Variants in ZNF407 observed in about 807,000 individuals in gnomAD.
ZNF407 encodes zinc finger protein 407.
In ZNF407, 17 loss-of-function variants were observed where a neutral mutation model predicts 131.2. The ratio of observed to expected loss-of-function variants is 0.13; its 90% CI spans 0.09 to 0.19. The LOEUF (loss-of-function observed/expected upper bound fraction) is 0.19. Ranked by LOEUF, ZNF407 falls within the 10% of genes least tolerant of loss-of-function variation. ZNF407 has a pLI of 1.00. For missense variants in ZNF407, 2,681 were observed against 2,830.6 expected (o/e 0.95, Z 1.20); for synonymous variants, 1,156 against 1,062.0 (o/e 1.09, Z -1.72).
At chr18:74,941,129 C>T (rs1291592003) in intron 8 of ZNF407, among the ~76,000 whole-genome samples, 1 of 152,168 alleles carries the variant, frequency 6.6e-6, no homozygotes, top group Non-Finnish European at 1.5e-5. Context: ...GACTGCTTGA[C>T]TCAAGACTTT....
chr18:74,621,748 T>C (rs1044883740), intron 1 of ZNF407, among the ~76,000 whole-genome samples: 49 of 152,214 alleles, frequency 3.2e-4, no homozygotes, highest in Non-Finnish European at 5.9e-4. Context: ...GGAGGGGAAT[T>C]GGGCTCCATC....
intron 4 of ZNF407, among the ~76,000 whole-genome samples, chr18:74,819,895 T>C (rs1970317194): frequency 6.6e-6 from 1 of 152,190 alleles, no homozygotes; most frequent in Non-Finnish European, 1.5e-5. Context: ...TGTAGTGCTG[T>C]GAAGGCTTTG....
chr18:74,806,310 C>T (rs941213325), intron 4 of ZNF407, among the ~76,000 whole-genome samples: 1 of 152,222 alleles, frequency 6.6e-6, no homozygotes, highest in Non-Finnish European at 1.5e-5. Flanking sequence ...GTTGTAAACT[C>T]TCAAGCTTTT....
At chr18:74,794,828 T>C (rs1969890204) in intron 4 of ZNF407, among the ~76,000 whole-genome samples, 1 of 152,228 alleles carries the variant, frequency 6.6e-6, no homozygotes, top group South Asian at 2.1e-4. Context: ...GCTTAATAAC[T>C]TCTCAGCACT....
At chr18:74,627,117 G>A (rs984332821) in intron 1 of ZNF407, among the ~76,000 whole-genome samples, 26 of 152,142 alleles carry the variant, frequency 1.7e-4, no homozygotes, top group African/African-American at 5.3e-4. Context: ...GTCTGATGTC[G>A]ACTGTCTTGC....
chr18:74,704,433 G>T (rs983787847), intron 3 of ZNF407, among the ~76,000 whole-genome samples: 1 of 152,162 alleles, frequency 6.6e-6, no homozygotes, highest in African/African-American at 2.4e-5. Context: ...GTTCAGTAGA[G>T]TTTAACTGTA....
intron 3 of ZNF407, among the ~76,000 whole-genome samples, chr18:74,750,177 T>G (rs1470113698): frequency 1.3e-5 from 2 of 152,184 alleles, no homozygotes; most frequent in East Asian, 3.9e-4. Flanking sequence ...TTTTACTTCT[T>G]CTTTGAGAGT....
chr18:74,789,193 T>C (rs1287620936), intron 4 of ZNF407, among the ~76,000 whole-genome samples: 1 of 152,074 alleles, frequency 6.6e-6, no homozygotes, highest in Non-Finnish European at 1.5e-5. Context: ...CTGGGAGAGG[T>C]ACTACTTTAG....
At chr18:74,843,456 A>G (rs1024751223) in intron 4 of ZNF407, among the ~76,000 whole-genome samples, 5 of 152,224 alleles carry the variant, frequency 3.3e-5, no homozygotes, top group African/African-American at 7.2e-5. Flanking sequence ...ACAAAAGTGT[A>G]CCTTATCCAC....
In ZNF407 at chr18:74,900,275, T is replaced by C. The variant is rs546172620; in HGVS notation, c.5249+10237T>C. Reference sequence around the variant, plus strand: ...GGTCGTCTCTCTGCACATGGAGAACTGTGGCTTCAGGCCTTCCCTGTCATT... The same window carrying C: ...GGTCGTCTCTCTGCACATGGAGAACCGTGGCTTCAGGCCTTCCCTGTCATT... On this transcript the variant is annotated intron_variant, in intron 7 of 8. Coordinates refer to ENST00000299687, the MANE Select transcript of ZNF407 (RefSeq NM_017757.3). Among the ~76,000 whole-genome samples the C allele has an allele frequency of 5.3e-5, 8 of 152,276 alleles. 1 individual carries two copies. Among genetic ancestry groups the C allele is most frequent in the Admixed American group, 3.9e-4 (6 of 15,290 alleles).
chr18:74,635,746 G>C lies in ZNF407; in HGVS notation c.4687+40G>C, dbSNP rs754813397. ...AGCAAGCCAAGTCAGTGAGGACATGGGGCCATTTGTTCCCATCCAGATATG... is the reference window on the plus strand; with the variant it reads ...AGCAAGCCAAGTCAGTGAGGACATGCGGCCATTTGTTCCCATCCAGATATG... On this transcript the variant is annotated intron_variant, in intron 2 of 8. Coordinates refer to ENST00000299687, the MANE Select transcript of ZNF407 (RefSeq NM_017757.3). This position sits in a 1 kb window ranked among gnomAD's most constrained non-coding sequence, Gnocchi z 4.7. 1.8e-5 allele frequency: 28 copies of C among 1,530,372 alleles called. No individual in the cohort carries two copies. The highest frequency in any genetic ancestry group is 2.3e-5 in the Non-Finnish European group (26 of 1,141,180). The allele number at this position is 1,530,372 out of a possible 1,614,324, so 94.8% of individuals were successfully genotyped here.
At chr18:74,945,020 G>T (rs554020883) in intron 8 of ZNF407, among the ~76,000 whole-genome samples, 1 of 152,082 alleles carries the variant, frequency 6.6e-6, no homozygotes, top group Non-Finnish European at 1.5e-5. Flanking sequence ...GCGACGACTC[G>T]TATGCATTTG....
intron 3 of ZNF407, among the ~76,000 whole-genome samples, chr18:74,711,608 C>T (rs969967362): frequency 6.6e-6 from 1 of 152,158 alleles, no homozygotes; most frequent in African/African-American, 2.4e-5. Flanking sequence ...TTCAGAACTG[C>T]AGGTCTGTAA....
At chr18:74,875,162 A>G (rs890679497) in intron 4 of ZNF407, among the ~76,000 whole-genome samples, 2 of 152,220 alleles carry the variant, frequency 1.3e-5, no homozygotes, top group East Asian at 1.9e-4. Flanking sequence ...CTTGATCTTT[A>G]TAAGGACAGT....
chr18:74,724,971 G>A lies in ZNF407; in HGVS notation c.4803-56457G>A, dbSNP rs142994695. Among the ~76,000 whole-genome samples the A allele has an allele frequency of 1.1e-3, 173 of 152,278 alleles. 3 individuals carry two copies. The East Asian group carries it at 0.026, about 23-fold the overall frequency. On this transcript the variant is annotated intron_variant, in intron 3 of 8. Coordinates refer to ENST00000299687, the MANE Select transcript of ZNF407 (RefSeq NM_017757.3). ...CATCTGTGAGGCTTCAACCTTTCAA[G>A]CTTTAACTTTAGATTTTTTGGCTTT...
chr18:74,609,190 A>C (rs1982944174), intron 1 of ZNF407, among the ~76,000 whole-genome samples: 1 of 152,180 alleles, frequency 6.6e-6, no homozygotes, highest in South Asian at 2.1e-4. Context: ...GAAGCTGTCC[A>C]GTTCTTTTGC....
chr18:74,615,720 T>C (rs1983256966), intron 1 of ZNF407, among the ~76,000 whole-genome samples: 1 of 152,220 alleles, frequency 6.6e-6, no homozygotes, highest in African/African-American at 2.4e-5. Context: ...AAGAGTAATA[T>C]TACAGTTAGG....
intron 4 of ZNF407, among the ~76,000 whole-genome samples, chr18:74,827,049 G>A (rs952567231): frequency 7.2e-5 from 11 of 152,164 alleles, no homozygotes; most frequent in Non-Finnish European, 1.2e-4. Flanking sequence ...CAGTTGTCAC[G>A]TCTTCCTTAG....
intron 3 of ZNF407, among the ~76,000 whole-genome samples, chr18:74,714,679 A>C (rs1967848843): frequency 6.6e-6 from 1 of 152,104 alleles, no homozygotes; most frequent in African/African-American, 2.4e-5. Context: ...TTATTGGTAA[A>C]ATTTTTTATG....
Sources: gnomAD v4.1 joint callset for allele counts (sites outside exome capture counted in the v4.1 genomes callset) on GRCh38, gnomAD v4.1.1 for gene constraint, Gnocchi (gnomAD v3.1) non-coding constraint, MANE v1.5 for transcripts, NCBI Gene and HGNC (gene_info 2026-07-23, HGNC 2026-07-21) for gene names.